The following ADAMTS9 variants were observed in gnomAD, a reference collection of about 807,000 sequenced individuals.
ADAMTS9 encodes the protein A disintegrin and metalloproteinase with thrombospondin motifs 9.
ADAMTS9 carries 107 observed loss-of-function variants against 257.1 expected under a neutral mutation model. The observed-to-expected ratio is 0.42, with a 90% CI of 0.36 to 0.49. The LOEUF (loss-of-function observed/expected upper bound fraction) is 0.49, where lower values mean the gene tolerates loss of function less well. Among genes scored for constraint, ADAMTS9 ranks in the 20% least tolerant of loss-of-function variants. ADAMTS9 has a pLI of 0.03. For synonymous variants in ADAMTS9, 982 were observed against 880.9 expected (o/e 1.11, Z -2.03); for missense variants, 2,353 against 2,469.1 (o/e 0.95, Z 1.00).
intron 31 of ADAMTS9, among the ~76,000 whole-genome samples, chr3:64,549,078 T>C (rs754199480): frequency 2.0e-5 from 3 of 152,194 alleles, no homozygotes; most frequent in Non-Finnish European, 4.4e-5. Context: ...TGTCTTCTTT[T>C]CTAGAGAGGA....
At chr3:64,598,618 C>G (rs1270552446) in intron 26 of ADAMTS9, among the ~76,000 whole-genome samples, 1 of 152,062 alleles carries the variant, frequency 6.6e-6, no homozygotes, top group Admixed American at 6.6e-5. Context: ...CCATGCCTGG[C>G]CTTACTTCCT....
intron 11 of ADAMTS9, among the ~76,000 whole-genome samples, chr3:64,643,966 C>G (rs1576154428): frequency 6.6e-6 from 1 of 152,134 alleles, no homozygotes; most frequent in African/African-American, 2.4e-5. Context: ...ACTGGTAACT[C>G]TTTTACAAAA....
intron 28 of ADAMTS9, among the ~76,000 whole-genome samples, chr3:64,570,620 C>T (rs555152951): frequency 4.3e-5 from 6 of 139,312 alleles, no homozygotes; most frequent in Admixed American, 8.2e-5. Context: ...GGTGTGAACC[C>T]GGGAGGCAGA....
At chr3:64,640,196 C>T (rs191099613) in intron 12 of ADAMTS9, among the ~76,000 whole-genome samples, 2 of 152,262 alleles carry the variant, frequency 1.3e-5, no homozygotes, top group East Asian at 3.9e-4. Flanking sequence ...TTATTGACCA[C>T]TACATGGACA....
chr3:64,674,055 A>G (rs1219747262), intron 3 of ADAMTS9, among the ~76,000 whole-genome samples: 1 of 151,870 alleles, frequency 6.6e-6, no homozygotes, highest in Non-Finnish European at 1.5e-5. Context: ...ACTACCTCTT[A>G]ATGACTTTAT....
intron 27 of ADAMTS9, among the ~76,000 whole-genome samples, chr3:64,594,658 C>A (rs1279046344): frequency 6.6e-6 from 1 of 152,154 alleles, no homozygotes; most frequent in East Asian, 1.9e-4. Context: ...TTAACTTGCA[C>A]TGAGGACTTT....
At chr3:64,524,643 T>A (rs1217064908) in intron 38 of ADAMTS9, among the ~76,000 whole-genome samples, 1 of 152,176 alleles carries the variant, frequency 6.6e-6, no homozygotes, top group Admixed American at 6.5e-5. Context: ...AATAAAAAAA[T>A]TTTGTGCAAA....
chr3:64,653,101 A>G (rs910171306), intron 8 of ADAMTS9, among the ~76,000 whole-genome samples: 1 of 152,222 alleles, frequency 6.6e-6, no homozygotes, highest in African/African-American at 2.4e-5. Flanking sequence ...TCTGGTCCCA[A>G]GCATTTGGGT....
chr3:64,622,677 G>A (rs772650298), intron 16 of ADAMTS9, 91 bp from the exon 17 acceptor site: 16 of 1,405,162 alleles, frequency 1.1e-5, no homozygotes, highest in Non-Finnish European at 1.4e-5. Context: ...GTAGAGAGTC[G>A]CTGTGCACGG....
At chr3:64,554,196 T>G (rs76349694) in intron 30 of ADAMTS9, among the ~76,000 whole-genome samples, 1 of 152,226 alleles carries the variant, frequency 6.6e-6, no homozygotes, top group East Asian at 1.9e-4. Flanking sequence ...AAATACTTTA[T>G]GCTTGTTAAG....
At chr3:64,568,639 A>G (rs529957386) in intron 28 of ADAMTS9, 104 bp from the exon 29 acceptor site, 2 of 1,343,470 alleles carry the variant, frequency 1.5e-6, no homozygotes, top group African/African-American at 3.0e-5. Context: ...AACAAGAGTT[A>G]CCATTCCCCT....
chr3:64,543,125 T>C (rs2083148556), intron 32 of ADAMTS9, among the ~76,000 whole-genome samples: 1 of 152,154 alleles, frequency 6.6e-6, no homozygotes, highest in Non-Finnish European at 1.5e-5. Context: ...CAATAATTAA[T>C]AGCCTACCAA....
intron 12 of ADAMTS9, among the ~76,000 whole-genome samples, chr3:64,639,314 A>ATTTTT (rs1559805129): frequency 0.073 from 5,754 of 78,834 alleles, 178 homozygotes; most frequent in East Asian, 0.14. Flanking sequence ...TTTTTTTTTA[A>ATTTTT]AAAAAAAAAA....
At chr3:64,668,954 T>G (rs1576179365) in intron 3 of ADAMTS9, among the ~76,000 whole-genome samples, 1 of 152,186 alleles carries the variant, frequency 6.6e-6, no homozygotes, top group East Asian at 1.9e-4. Flanking sequence ...TTACAGGCAC[T>G]GAGGACTGGT....
chr3:64,589,933 A>C (rs2084229798), intron 28 of ADAMTS9: 1 of 152,202 alleles, frequency 6.6e-6, no homozygotes, highest in Non-Finnish European at 1.5e-5. Context: ...GAACACACAG[A>C]ATAAAGTGTA....
At chr3:64,640,181 C>T (rs1700602915) in intron 12 of ADAMTS9, among the ~76,000 whole-genome samples, 1 of 152,182 alleles carries the variant, frequency 6.6e-6, no homozygotes, top group Admixed American at 6.5e-5. Flanking sequence ...CTTTAGTTAT[C>T]TTCCTTATTG....
intron 28 of ADAMTS9, chr3:64,568,790 G>A (rs1944326577): frequency 2.7e-6 from 1 of 372,116 alleles, no homozygotes. Flanking sequence ...TAAATCCTGA[G>A]AATTGGAGCC....
chr3:64,544,409 A>C (rs540930925), intron 32 of ADAMTS9, among the ~76,000 whole-genome samples: 2 of 152,196 alleles, frequency 1.3e-5, no homozygotes, highest in Non-Finnish European at 2.9e-5. Context: ...CTGGTACCAA[A>C]ATAGAGACAT....
intron 31 of ADAMTS9, chr3:64,550,540 C>T (rs1576006967): frequency 9.2e-6 from 2 of 218,570 alleles, no homozygotes; most frequent in African/African-American, 4.6e-5. Flanking sequence ...TGTTGTATCC[C>T]TGGCACTACA....
Sources: allele counts gnomAD v4.1 joint callset (sites outside exome capture counted in the v4.1 genomes callset), GRCh38; gene constraint gnomAD v4.1.1; transcripts MANE v1.5; gene names NCBI Gene and HGNC (gene_info 2026-07-23, HGNC 2026-07-21).